Variants in TBL1X observed in about 807,000 individuals in gnomAD.
TBL1X encodes transducin beta like 1 X-linked.
A neutral mutation model predicts 50.7 loss-of-function variants in TBL1X; 10 were observed. The ratio of observed to expected loss-of-function variants is 0.20; its 90% confidence interval spans 0.12 to 0.33. TBL1X has a LOEUF of 0.33. TBL1X is among the 10% of genes least tolerant of loss of function. TBL1X has a pLI of 1.00. For synonymous variants in TBL1X, 190 were observed against 214.7 expected (o/e 0.88, Z 1.01); for missense variants, 340 against 504.4 (o/e 0.67, Z 3.12).
intron 2 of TBL1X, among the ~76,000 whole-genome samples, chrX:9,506,298 A>G (rs2082025512): frequency 8.9e-6 from 1 of 111,819 alleles, no homozygotes; most frequent in Admixed American, 9.6e-5. Context: ...ACACAGCTAA[A>G]GCAGTGTTAA....
At chrX:9,492,838 GGTGTGTGTGTGTGTGTGTGT>G (rs774050435) in intron 1 of TBL1X, among the ~76,000 whole-genome samples, 12 of 56,969 alleles carry the variant, frequency 2.1e-4, no homozygotes, top group Admixed American at 6.5e-4. Flanking sequence ...GGGGCTAGAG[GGTGTGTGTGTGTGTGTGTGT>G]GTGTGTGTGT....
At chrX:9,494,345 G>A (rs976054726) in intron 1 of TBL1X, among the ~76,000 whole-genome samples, 1 of 111,299 alleles carries the variant, frequency 9.0e-6, no homozygotes, top group African/African-American at 3.3e-5. Flanking sequence ...CTACTCATGT[G>A]CGTCTGACAT....
intron 2 of TBL1X, among the ~76,000 whole-genome samples, chrX:9,553,441 G>A (rs1255561657): frequency 4.5e-5 from 5 of 112,200 alleles, no homozygotes; most frequent in Non-Finnish European, 7.5e-5. Context: ...CTAAGAGAGT[G>A]TGTCTGTGTT....
chrX:9,688,961 T>G, intron 7 of TBL1X, among the ~76,000 whole-genome samples: 1 of 113,718 alleles, frequency 8.8e-6, no homozygotes. Flanking sequence ...TATATCTGCA[T>G]GTGTATGTGC....
chrX:9,710,712 G>A (rs2083241261), intron 15 of TBL1X, among the ~76,000 whole-genome samples: 1 of 112,173 alleles, frequency 8.9e-6, no homozygotes, highest in African/African-American at 3.2e-5. Context: ...GATTACGTAT[G>A]TGGATGTGAT....
At chrX:9,478,614 T>C (rs1486235471) in intron 1 of TBL1X, among the ~76,000 whole-genome samples, 4 of 111,478 alleles carry the variant, frequency 3.6e-5, no homozygotes, top group Non-Finnish European at 7.5e-5. Context: ...TGGGAGGCCA[T>C]CAGGATGGGG....
intron 2 of TBL1X, among the ~76,000 whole-genome samples, chrX:9,601,839 C>G (rs1226684601): frequency 8.9e-6 from 1 of 111,927 alleles, no homozygotes; most frequent in Non-Finnish European, 1.9e-5. Context: ...GCCAGGAGTT[C>G]AAGACCAGCC....
At position 9,606,071 on chromosome X, in the gene TBL1X, A is replaced by T. The variant is rs190572080; in HGVS notation, c.-130-34202A>T. Among the ~76,000 whole-genome samples, 11 of 112,358 alleles carry T rather than the reference A, an allele frequency of 9.8e-5. 1 individual carries two copies. In the East Asian group the frequency reaches 3.1e-3, roughly 32 times the overall value. The stretch of plus-strand genomic sequence containing the variant: ...GGCTCAGGGTCTCTCGTGAGGTTGC[A>T]GCCTGCGCTGCAGCCTTTGAGACCT... On this transcript the variant is annotated intron_variant, in intron 2 of 17. Transcript: ENST00000645353.
intron 1 of TBL1X, among the ~76,000 whole-genome samples, chrX:9,468,657 C>T (rs776310171): frequency 9.0e-6 from 1 of 110,710 alleles, no homozygotes; most frequent in Non-Finnish European, 1.9e-5. Context: ...GCTTGCCGTG[C>T]ACTGACTGGA....
intron 2 of TBL1X, among the ~76,000 whole-genome samples, chrX:9,550,506 C>CT (rs1232008510): frequency 8.9e-6 from 1 of 111,999 alleles, no homozygotes; most frequent in African/African-American, 3.2e-5. Flanking sequence ...AAGAAAGCAA[C>CT]TTTGATTTTT....
chrX:9,484,947 C>T (rs1163326892), intron 1 of TBL1X, among the ~76,000 whole-genome samples: 1 of 106,879 alleles, frequency 9.4e-6, no homozygotes, highest in Non-Finnish European at 1.9e-5. Context: ...AAAAATTAGC[C>T]AGGTATTGTG....
intron 2 of TBL1X, among the ~76,000 whole-genome samples, chrX:9,620,210 G>A (rs1305412440): frequency 8.9e-6 from 1 of 112,415 alleles, no homozygotes; most frequent in African/African-American, 3.2e-5. Context: ...AAGACCTAGA[G>A]ATGCTGTGAG....
chrX:9,471,385 A>G lies in TBL1X; in HGVS notation c.-201+5938A>G, dbSNP rs941951592. ...TTAAAGGGCTGGATGAGTGGCCTCAAGCCTTTTCCTCCCTCCCAGGTGTGA... is the reference window on the plus strand; with the variant it reads ...TTAAAGGGCTGGATGAGTGGCCTCAGGCCTTTTCCTCCCTCCCAGGTGTGA... On this transcript the variant is annotated intron_variant, in intron 1 of 17. Transcript: ENST00000645353. 7.1e-5 allele frequency among the ~76,000 whole-genome samples: 8 copies of G among 111,959 alleles called. No individual in the cohort carries two copies. The East Asian group carries it at 1.4e-3, about 20-fold the overall frequency.
At chrX:9,582,106 G>A (rs1038166561) in intron 2 of TBL1X, among the ~76,000 whole-genome samples, 1 of 112,340 alleles carries the variant, frequency 8.9e-6, no homozygotes, top group East Asian at 2.8e-4. Flanking sequence ...GCAGAGTACT[G>A]TGCTTAGTAG....
chrX:9,633,032 G>A (rs928060770), intron 2 of TBL1X, among the ~76,000 whole-genome samples: 1 of 112,488 alleles, frequency 8.9e-6, no homozygotes, highest in Non-Finnish European at 1.9e-5. Context: ...CATTCAAACT[G>A]TAGTTTTCTT....
In TBL1X at chrX:9,711,234, G is replaced by A. The variant is rs754228207; in HGVS notation, c.1440-377G>A. Reference sequence around the variant, plus strand: ...GTGGACCTATGGTTGCAGCTTCTCTGCTGAGGCTGAGGCGGGAGGATCACT... The same window carrying A: ...GTGGACCTATGGTTGCAGCTTCTCTACTGAGGCTGAGGCGGGAGGATCACT... On this transcript the variant is annotated intron_variant, in intron 15 of 17. Coordinates refer to ENST00000645353, the MANE Select transcript of TBL1X (RefSeq NM_005647.4). Among the ~76,000 whole-genome samples, 136 of 108,662 alleles carry A rather than the reference G, an allele frequency of 1.3e-3. 1 individual carries two copies. The highest frequency in any genetic ancestry group is 4.3e-3 in the African/African-American group (128 of 29,723). The allele number at this position is 108,662 out of a possible 115,157, so 94.4% of individuals were successfully genotyped here. A position where few individuals can be genotyped will look rare whatever the true frequency, so the allele number is the denominator to read the frequency against.
intron 1 of TBL1X, among the ~76,000 whole-genome samples, chrX:9,481,342 CT>C (rs199833370): frequency 9.0e-6 from 1 of 111,561 alleles, no homozygotes; most frequent in Non-Finnish European, 1.9e-5. Flanking sequence ...TCCAGAAAAC[CT>C]TTTTTTTCTT....
At chrX:9,615,578 C>T in intron 2 of TBL1X, among the ~76,000 whole-genome samples, 1 of 112,186 alleles carries the variant, frequency 8.9e-6, no homozygotes, top group East Asian at 2.8e-4. Context: ...TCATGCCCAG[C>T]TTTGAGTATA....
chrX:9,652,726 C>G (rs894991438), intron 3 of TBL1X, among the ~76,000 whole-genome samples: 4 of 110,642 alleles, frequency 3.6e-5, no homozygotes, highest in Admixed American at 9.6e-5. Context: ...TGATGCCCAC[C>G]TTTGGTCACA....
Sources: allele counts gnomAD v4.1 joint callset (sites outside exome capture counted in the v4.1 genomes callset), GRCh38; gene constraint gnomAD v4.1.1; transcripts MANE v1.5; gene names NCBI Gene and HGNC (gene_info 2026-07-23, HGNC 2026-07-21).